The following NEGR1 variants were observed in gnomAD, a reference collection of about 807,000 sequenced individuals.
The protein encoded by NEGR1 is IgLON family member 4.
In NEGR1, 10 loss-of-function variants were observed where a neutral mutation model predicts 40.9. The observed-to-expected ratio is 0.24, with a 90% CI of 0.15 to 0.42. The LOEUF is 0.42. Among genes scored for constraint, NEGR1 ranks in the 10% least tolerant of loss-of-function variants. NEGR1 has a pLI of 1.00. For missense variants in NEGR1, 352 were observed against 438.9 expected (o/e 0.80, Z 1.77); for synonymous variants, 185 against 166.8 (o/e 1.11, Z -0.84).
chr1:71,692,585 A>C (rs1653323458), intron 4 of NEGR1, among the ~76,000 whole-genome samples: 1 of 151,660 alleles, frequency 6.6e-6, no homozygotes, highest in Admixed American at 6.6e-5. Context: ...GCTTTGGAGA[A>C]AACTTTAGGA....
intron 1 of NEGR1, among the ~76,000 whole-genome samples, chr1:71,950,131 A>G (rs2100270928): frequency 6.6e-6 from 1 of 152,106 alleles, no homozygotes; most frequent in African/African-American, 2.4e-5. Flanking sequence ...TTACATTTTT[A>G]TTTCATGATC....
rs1557474215 is a variant in NEGR1 at position 71,994,553 on chromosome 1, A to AAAC, written c.177-59243_177-59242insGTT. ...AAAAACAAAACAAAACAAACAAAAA[A>AAAC]AAAAAACACTCATCACAAAAATTTA... On this transcript the variant is annotated intron_variant, in intron 1 of 6. Coordinates refer to ENST00000357731, the MANE Select transcript of NEGR1 (RefSeq NM_173808.3). Among the ~76,000 whole-genome samples the AAAC allele has an allele frequency of 1.3e-4, 19 of 151,752 alleles. No homozygotes were observed. In the East Asian group the frequency reaches 3.1e-3, roughly 25 times the overall value.
chr1:71,594,015 T>C (rs1649599245), intron 5 of NEGR1, among the ~76,000 whole-genome samples: 1 of 152,220 alleles, frequency 6.6e-6, no homozygotes, highest in Admixed American at 6.5e-5. Context: ...TTCTCTGATA[T>C]TTGAATCCTA....
intron 6 of NEGR1, among the ~76,000 whole-genome samples, chr1:71,465,779 A>T: frequency 6.6e-6 from 1 of 152,094 alleles, no homozygotes; most frequent in Non-Finnish European, 1.5e-5. Context: ...GACTCTGATC[A>T]TACTAATGGC....
intron 3 of NEGR1, among the ~76,000 whole-genome samples, chr1:71,704,540 T>TAGATTA (rs1010126572): frequency 9.0e-4 from 137 of 152,014 alleles, no homozygotes; most frequent in African/African-American, 3.1e-3. Context: ...TTTAACAGTT[T>TAGATTA]AGATTAAGTG....
chr1:71,752,790 T>A (rs1186342199), intron 3 of NEGR1, among the ~76,000 whole-genome samples: 2 of 152,074 alleles, frequency 1.3e-5, no homozygotes, highest in African/African-American at 4.8e-5. Context: ...ATTCAGTCTT[T>A]ATTACTATTT....
intron 3 of NEGR1, among the ~76,000 whole-genome samples, chr1:71,713,089 T>C (rs1271567660): frequency 6.6e-6 from 1 of 152,242 alleles, no homozygotes; most frequent in African/African-American, 2.4e-5. Flanking sequence ...TGATTCCTTT[T>C]GACTGCCTTA....
At chr1:71,684,896 C>A (rs1652975194) in intron 4 of NEGR1, among the ~76,000 whole-genome samples, 1 of 152,108 alleles carries the variant, frequency 6.6e-6, no homozygotes, top group African/African-American at 2.4e-5. Context: ...TCAAACTTCA[C>A]AATTTAAAAA....
intron 3 of NEGR1, among the ~76,000 whole-genome samples, chr1:71,742,725 TA>T (rs1187739639): frequency 6.6e-6 from 1 of 152,124 alleles, no homozygotes; most frequent in Non-Finnish European, 1.5e-5. Flanking sequence ...GTAACTGACT[TA>T]GATGATATTT....
intron 6 of NEGR1, among the ~76,000 whole-genome samples, chr1:71,591,815 G>C (rs543773831): frequency 6.6e-6 from 1 of 152,106 alleles, no homozygotes; most frequent in Non-Finnish European, 1.5e-5. Context: ...ATAAATCATG[G>C]AAACTTATTA....
chr1:72,276,853 C>G (rs1656067336), intron 1 of NEGR1, among the ~76,000 whole-genome samples: 1 of 151,972 alleles, frequency 6.6e-6, no homozygotes, highest in African/African-American at 2.4e-5. Flanking sequence ...GAATTTAATG[C>G]AGGAAATGTA....
intron 3 of NEGR1, among the ~76,000 whole-genome samples, chr1:71,771,838 A>C (rs1817805): frequency 0.75 from 113,341 of 151,792 alleles, 44,233 homozygotes; most frequent in East Asian, 0.86. Context: ...AGGACTGCTG[A>C]ATCTAGAAAA....
chr1:72,012,677 G>A (rs1646667376), intron 1 of NEGR1, among the ~76,000 whole-genome samples: 1 of 151,840 alleles, frequency 6.6e-6, no homozygotes, highest in African/African-American at 2.4e-5. Flanking sequence ...TCTTCAAAGA[G>A]CACACGTTCA....
At chr1:72,206,707 C>A (rs1653412334) in intron 1 of NEGR1, among the ~76,000 whole-genome samples, 1 of 152,048 alleles carries the variant, frequency 6.6e-6, no homozygotes, top group Admixed American at 6.6e-5. Flanking sequence ...AGTTGCATTT[C>A]ATTTTCACCC....
chr1:71,727,429 C>T (rs1029988133), intron 3 of NEGR1, among the ~76,000 whole-genome samples: 7 of 152,104 alleles, frequency 4.6e-5, no homozygotes, highest in Non-Finnish European at 1.0e-4. Flanking sequence ...CATTAGTACT[C>T]ACACTTCAGA....
chr1:71,473,183 T>C (rs116032455), intron 6 of NEGR1, among the ~76,000 whole-genome samples: 1,730 of 152,050 alleles, frequency 0.011, 28 homozygotes, highest in African/African-American at 0.04. Context: ...GTACTAAGAT[T>C]GAAAGTGCAC....
intron 1 of NEGR1, among the ~76,000 whole-genome samples, chr1:72,040,508 G>A (rs1173544298): frequency 7.6e-6 from 1 of 130,772 alleles, no homozygotes; most frequent in Non-Finnish European, 1.6e-5. Context: ...AATAGATGCT[G>A]ATTATTACGA....
intron 4 of NEGR1, among the ~76,000 whole-genome samples, chr1:71,626,703 G>A (rs928331913): frequency 3.9e-5 from 6 of 152,046 alleles, no homozygotes; most frequent in Middle Eastern, 3.4e-3. Flanking sequence ...GAGTGAACAG[G>A]CAACCAACAG....
At chr1:71,426,658 C>T (rs1646430606) in intron 6 of NEGR1, among the ~76,000 whole-genome samples, 1 of 152,130 alleles carries the variant, frequency 6.6e-6, no homozygotes, top group Non-Finnish European at 1.5e-5. Context: ...CTCTTTAAAG[C>T]TTACTAAATC....
Sources: gnomAD v4.1 joint callset for allele counts (sites outside exome capture counted in the v4.1 genomes callset) on GRCh38, gnomAD v4.1.1 for gene constraint, MANE v1.5 for transcripts, NCBI Gene and HGNC (gene_info 2026-07-23, HGNC 2026-07-21) for gene names.